Variants in TSEN2 observed in about 807,000 individuals in gnomAD.
TSEN2 encodes tRNA splicing endonuclease subunit 2, also known as tRNA-splicing endonuclease subunit Sen2.
A neutral mutation model predicts 59.2 loss-of-function variants in TSEN2; 54 were observed. The ratio of observed to expected loss-of-function variants is 0.91; its 90% CI spans 0.73 to 1.14. The LOEUF (loss-of-function observed/expected upper bound fraction) is 1.14, where lower values mean the gene tolerates loss of function less well. Among genes scored for constraint, TSEN2 ranks in the 50% most tolerant of loss-of-function variants. The pLI is 0.00. For synonymous variants in TSEN2, 195 were observed against 198.2 expected (o/e 0.98, Z 0.14); for missense variants, 636 against 576.2 (o/e 1.10, Z -1.06).
chr3:12,481,902 T>TGTGTGC (rs1358851548), upstream of TSEN2, among the ~76,000 whole-genome samples: 1 of 105,156 alleles, frequency 9.5e-6, no homozygotes, highest in African/African-American at 6.3e-5. Flanking sequence ...GATATATGTG[T>TGTGTGC]GTGTGTGTGT....
At chr3:12,502,719 ATG>A (rs1241349936) in intron 4 of TSEN2, among the ~76,000 whole-genome samples, 3 of 150,666 alleles carry the variant, frequency 2.0e-5, no homozygotes, top group Non-Finnish European at 4.4e-5. Context: ...AGCAAATAAA[ATG>A]AAACTATATT....
chr3:12,487,228 A>C (rs1221321897), intron 1 of TSEN2, among the ~76,000 whole-genome samples: 1 of 152,242 alleles, frequency 6.6e-6, no homozygotes, highest in African/African-American at 2.4e-5. Context: ...CTGCGAGCCA[A>C]ATTCCTGAGG....
chr3:12,504,950 A>G (rs999473660), intron 5 of TSEN2, among the ~76,000 whole-genome samples: 3 of 152,174 alleles, frequency 2.0e-5, no homozygotes, highest in African/African-American at 7.2e-5. Flanking sequence ...TCAGTGAGCT[A>G]TGATCACACC....
At chr3:12,528,121 T>C (rs1371661774) in intron 8 of TSEN2, among the ~76,000 whole-genome samples, 1 of 152,246 alleles carries the variant, frequency 6.6e-6, no homozygotes, top group East Asian at 1.9e-4. Context: ...AAAATAGGCA[T>C]GAGTCTTATT....
At position 12,492,172 on chromosome 3, in the gene TSEN2, C is replaced by G. The variant is rs1193699843; in HGVS notation, c.226C>G (p.Pro76Ala). 6.2e-7 allele frequency: 1 copy of G among 1,614,128 alleles called. No individual in the cohort carries two copies. Residue 76 changes from proline to alanine, a missense_variant, in exon 3 of 12, where the codon CCA becomes GCA. Coordinates refer to ENST00000284995, the MANE Select transcript of TSEN2 (RefSeq NM_025265.4). ...AAAAGGTATTCTTTCAAGAAGCCGT[C>G]CAAGCTTCACAATTTCAGATCCTAA... is the stretch of plus-strand genomic sequence containing the variant. ...FGKGILSRSR[P>A]SFTISDPKLV...
upstream of TSEN2, among the ~76,000 whole-genome samples, chr3:12,483,166 A>G (rs555959218): frequency 2.0e-5 from 3 of 152,220 alleles, no homozygotes; most frequent in Non-Finnish European, 4.4e-5. Flanking sequence ...GCTTGAGGTC[A>G]GGAGTTTGAG....
chr3:12,485,730 T>A (rs1381206541), intron 1 of TSEN2, among the ~76,000 whole-genome samples: 1 of 152,166 alleles, frequency 6.6e-6, no homozygotes, highest in Non-Finnish European at 1.5e-5. Context: ...CAATCATCAT[T>A]CTAAATAACC....
chr3:12,499,625 G>T (rs1346030756), intron 4 of TSEN2, among the ~76,000 whole-genome samples: 1 of 152,210 alleles, frequency 6.6e-6, no homozygotes, highest in East Asian at 1.9e-4. Flanking sequence ...GGAGGCTTCA[G>T]TAGCTTGCCC....
intron 2 of TSEN2, among the ~76,000 whole-genome samples, chr3:12,491,900 A>G (rs1227458765): frequency 1.3e-5 from 2 of 152,212 alleles, no homozygotes; most frequent in Non-Finnish European, 2.9e-5. Context: ...TTTGCATTGC[A>G]TTAGGTATTA....
chr3:12,526,901 G>A (rs2057128475), intron 8 of TSEN2, among the ~76,000 whole-genome samples: 1 of 152,200 alleles, frequency 6.6e-6, no homozygotes, highest in African/African-American at 2.4e-5. Flanking sequence ...TTGGATTAAA[G>A]ATGTGTGTTT....
In TSEN2 at chr3:12,507,911, G is replaced by A. The variant is rs184807007; in HGVS notation, c.909+2680G>A. Among the ~76,000 whole-genome samples, 3 of 152,358 alleles carry A rather than the reference G, an allele frequency of 2.0e-5. No homozygotes were observed. In the East Asian group the frequency reaches 5.8e-4, roughly 29 times the overall value. Reference sequence around the variant, plus strand: ...TTTGCAGTCATGATAGCTGAGGATAGTAAAGGATAAATGGGGCTTGCCACA... The same window carrying A: ...TTTGCAGTCATGATAGCTGAGGATAATAAAGGATAAATGGGGCTTGCCACA... On this transcript the variant is annotated intron_variant, in intron 6 of 11. Transcript: ENST00000284995.
chr3:12,490,065 G>A, intron 2 of TSEN2, 76 bp downstream of exon 2: 1 of 1,338,546 alleles, frequency 7.5e-7, no homozygotes, highest in East Asian at 2.3e-5. Context: ...CCCCATCCCA[G>A]CCATACCCCC....
chr3:12,481,977 T>C (rs2052199154), upstream of TSEN2, among the ~76,000 whole-genome samples: 1 of 152,036 alleles, frequency 6.6e-6, no homozygotes, highest in Non-Finnish European at 1.5e-5. Flanking sequence ...AATTAAGTCC[T>C]TATCTATTAG....
In TSEN2 at chr3:12,516,740, A is replaced by G. The variant is rs529044972; in HGVS notation, c.960+79A>G. On this transcript the variant is annotated intron_variant, in intron 7 of 11. Coordinates refer to ENST00000284995, the MANE Select transcript of TSEN2 (RefSeq NM_025265.4). The stretch of plus-strand genomic sequence containing the variant: ...CAGGTTGTACTAATTTCTATATTGC[A>G]TTAATACAAATGTTTCTACTCTTAC... 3.2e-5 allele frequency: 42 copies of G among 1,297,706 alleles called. No individual in the cohort carries two copies. The African/African-American group carries it at 3.3e-4, about 10-fold the overall frequency. The allele number at this position is 1,297,706 out of a possible 1,614,324, so 80.4% of individuals were successfully genotyped here. A position where few individuals can be genotyped will look rare whatever the true frequency, so the allele number is the denominator to read the frequency against.
chr3:12,528,578 C>T (rs981950089), intron 8 of TSEN2, among the ~76,000 whole-genome samples: 5 of 152,022 alleles, frequency 3.3e-5, no homozygotes, highest in African/African-American at 1.2e-4. Context: ...AAATTAGCTG[C>T]GTGTGGTGGT....
At chr3:12,515,858 C>G (rs902188448) in intron 6 of TSEN2, among the ~76,000 whole-genome samples, 2 of 151,816 alleles carry the variant, frequency 1.3e-5, no homozygotes, top group Non-Finnish European at 2.9e-5. Context: ...AGCACTGCCC[C>G]ACACTTTTCA....
chr3:12,532,416 G>A (rs968270604), intron 11 of TSEN2, among the ~76,000 whole-genome samples: 23 of 152,216 alleles, frequency 1.5e-4, no homozygotes, highest in African/African-American at 5.5e-4. Context: ...AAATGTGCTA[G>A]TAGAATACCA....
intron 8 of TSEN2, among the ~76,000 whole-genome samples, chr3:12,520,143 C>G (rs1159431187): frequency 6.6e-6 from 1 of 152,048 alleles, no homozygotes; most frequent in African/African-American, 2.4e-5. Context: ...GGAATACAGG[C>G]GCCCGCCATC....
rs566875800 is a variant in TSEN2, at chr3:12,518,973, A to G, written c.961-86A>G. 1.1e-4 allele frequency: 153 copies of G among 1,349,458 alleles called. No homozygotes were observed. In the African/African-American group the frequency reaches 1.8e-3, roughly 16 times the overall value. 83.6% of individuals were successfully genotyped at this position (1,349,458 alleles called of 1,614,324 possible). On this transcript the variant is annotated intron_variant, in intron 7 of 11. Transcript: ENST00000284995. ...ATTTTCTTCACTGCTTCAGCTCCAC[A>G]CTTAGTATAGATGTTGGTGCCCTGG...
Sources: gnomAD v4.1 joint callset for allele counts (sites outside exome capture counted in the v4.1 genomes callset) on GRCh38, gnomAD v4.1.1 for gene constraint, MANE v1.5 for transcripts, NCBI Gene and HGNC (gene_info 2026-07-23, HGNC 2026-07-21) for gene names.